The following AMPH variants were observed in gnomAD, a reference collection of about 807,000 sequenced individuals.
AMPH encodes the protein amphiphysin (Stiff-Mann syndrome with breast cancer 128kD autoantigen).
A neutral mutation model predicts 99.1 loss-of-function variants in AMPH; 49 were observed. The observed-to-expected ratio is 0.49, with a 90% CI of 0.39 to 0.63. AMPH has a LOEUF of 0.63. Ranked by LOEUF, AMPH falls within the 20% of genes least tolerant of loss-of-function variation. The probability of loss-of-function intolerance (pLI) is 0.00; values close to 1 mark genes in which losing one functional copy is unlikely to be tolerated. For missense variants in AMPH, 759 were observed against 863.4 expected (o/e 0.88, Z 1.52); for synonymous variants, 314 against 317.3 (o/e 0.99, Z 0.11).
At chr7:38,514,584 A>G (rs1432922214) in intron 2 of AMPH, among the ~76,000 whole-genome samples, 1 of 152,186 alleles carries the variant, frequency 6.6e-6, no homozygotes, top group African/African-American at 2.4e-5. Flanking sequence ...CACCTTCATG[A>G]ATGGATTAAT....
intron 1 of AMPH, among the ~76,000 whole-genome samples, chr7:38,559,378 C>G (rs965556064): frequency 6.6e-6 from 1 of 152,216 alleles, no homozygotes; most frequent in Non-Finnish European, 1.5e-5. Context: ...GAACAACAGA[C>G]AGTGGTTTCT....
intron 1 of AMPH, among the ~76,000 whole-genome samples, chr7:38,567,658 T>C (rs898943457): frequency 2.0e-5 from 3 of 152,372 alleles, no homozygotes; most frequent in Admixed American, 2.0e-4. Flanking sequence ...AGAAATATGT[T>C]GTCATCAAAT....
intron 8 of AMPH, 150 bp from the exon 9 acceptor site, chr7:38,465,699 G>T: frequency 3.1e-6 from 2 of 650,232 alleles, no homozygotes; most frequent in South Asian, 2.1e-5. Flanking sequence ...TCTGTATACG[G>T]TTCAAATTTA....
intron 1 of AMPH, among the ~76,000 whole-genome samples, chr7:38,563,497 C>G (rs573582312): frequency 6.6e-6 from 1 of 152,070 alleles, no homozygotes; most frequent in Admixed American, 6.5e-5. Context: ...GTCATACAAC[C>G]AAAAAGTACT....
chr7:38,441,806 A>ATATATATCATATATC (rs1786541735), intron 11 of AMPH, among the ~76,000 whole-genome samples: 3 of 87,360 alleles, frequency 3.4e-5, no homozygotes, highest in Admixed American at 1.7e-4. Context: ...TATCATATAT[A>ATATATATCATATATC]TATCATATAT....
intron 1 of AMPH, among the ~76,000 whole-genome samples, chr7:38,549,931 A>G (rs993463635): frequency 6.6e-6 from 1 of 152,142 alleles, no homozygotes; most frequent in Non-Finnish European, 1.5e-5. Context: ...GCTTTCTAAA[A>G]CTTTAGGTTT....
At chr7:38,432,955 G>C (rs1391139582) in intron 12 of AMPH, among the ~76,000 whole-genome samples, 1 of 152,158 alleles carries the variant, frequency 6.6e-6, no homozygotes, top group Non-Finnish European at 1.5e-5. Context: ...CTTCCACTAT[G>C]GGTGAGGGGA....
At position 38,558,773 on chromosome 7, in the gene AMPH, C is replaced by A. The variant is rs566558193; in HGVS notation, c.70-23762G>T. On this transcript the variant is annotated intron_variant, in intron 1 of 20. Coordinates refer to ENST00000356264, the MANE Select transcript of AMPH (RefSeq NM_001635.4). ...TGTCCTGAGACACATCCTGCTGACA[C>A]ACTGTACTCCGGTGACCCAGGCCAG... Among the ~76,000 whole-genome samples the A allele has an allele frequency of 4.2e-4, 64 of 152,342 alleles. No homozygotes were observed. In the South Asian group the frequency reaches 0.013, roughly 31 times the overall value.
chr7:38,619,569 A>G (rs1475131892), intron 1 of AMPH, among the ~76,000 whole-genome samples: 1 of 152,216 alleles, frequency 6.6e-6, no homozygotes, highest in Admixed American at 6.5e-5. Flanking sequence ...AACAACAGCA[A>G]AAAACAGTTA....
intron 1 of AMPH, among the ~76,000 whole-genome samples, chr7:38,584,553 C>A (rs1467934983): frequency 6.6e-6 from 1 of 152,160 alleles, no homozygotes; most frequent in Non-Finnish European, 1.5e-5. Flanking sequence ...AGTTATTCTG[C>A]CAAAAATCAA....
At position 38,429,350 on chromosome 7, in the gene AMPH, C is replaced by T. The variant is rs1427342825; in HGVS notation, c.1182+492G>A. On this transcript the variant is annotated intron_variant, in intron 14 of 20. Transcript: ENST00000356264. Reference sequence around the variant, plus strand: ...CAGTGGGCCAGTCAGCAGACGAAAGCAGGCTGGTGGATAATCTTATGTCTT... The same window carrying T: ...CAGTGGGCCAGTCAGCAGACGAAAGTAGGCTGGTGGATAATCTTATGTCTT... The T allele has an allele frequency of 3.1e-6, 4 of 1,289,366 alleles. No homozygotes were observed. The African/African-American group carries it at 4.6e-5, about 15-fold the overall frequency. 79.9% of individuals were successfully genotyped at this position (1,289,366 alleles called of 1,614,324 possible).
chr7:38,417,105 T>G (rs1785405686), intron 17 of AMPH, among the ~76,000 whole-genome samples: 1 of 152,200 alleles, frequency 6.6e-6, no homozygotes, highest in South Asian at 2.1e-4. Context: ...ATAAATGACT[T>G]TTCACTCGCC....
chr7:38,425,007 A>T (rs1184136952), intron 15 of AMPH, among the ~76,000 whole-genome samples: 1 of 152,224 alleles, frequency 6.6e-6, no homozygotes, highest in African/African-American at 2.4e-5. Flanking sequence ...ACAGCTTCGA[A>T]TATAATACCC....
At chr7:38,595,016 C>T (rs2129059310) in intron 1 of AMPH, among the ~76,000 whole-genome samples, 1 of 152,280 alleles carries the variant, frequency 6.6e-6, no homozygotes, top group Middle Eastern at 3.4e-3. Flanking sequence ...CCAGAAAGAA[C>T]ACAAACAGCC....
chr7:38,443,778 A>C lies in AMPH; in HGVS notation c.1018-7390T>G, dbSNP rs190409683. Among the ~76,000 whole-genome samples the C allele has an allele frequency of 6.6e-5, 10 of 152,276 alleles. No individual in the cohort carries two copies. In the East Asian group the frequency reaches 1.7e-3, roughly 26 times the overall value. ...TGAAATACTACATGCTCTTCCTCTA[A>C]GATCAAGACAAGGGTGACTGCTTTA... On this transcript the variant is annotated intron_variant, in intron 11 of 20. Coordinates refer to ENST00000356264, the MANE Select transcript of AMPH (RefSeq NM_001635.4).
chr7:38,525,867 G>A (rs1240019242), intron 2 of AMPH, among the ~76,000 whole-genome samples: 1 of 152,148 alleles, frequency 6.6e-6, no homozygotes, highest in African/African-American at 2.4e-5. Flanking sequence ...CATCTGGGGT[G>A]TTGCCAATTT....
intron 1 of AMPH, among the ~76,000 whole-genome samples, chr7:38,537,403 A>T (rs913879582): frequency 2.6e-5 from 4 of 152,178 alleles, no homozygotes; most frequent in African/African-American, 9.6e-5. Context: ...TTATTATTAT[A>T]GTTATTTTTA....
chr7:38,540,513 G>T (rs1584223505), intron 1 of AMPH, among the ~76,000 whole-genome samples: 2 of 151,634 alleles, frequency 1.3e-5, no homozygotes, highest in East Asian at 3.9e-4. Context: ...CATCTTAATT[G>T]CCTTCTCTTA....
chr7:38,614,105 C>A (rs1793782280), intron 1 of AMPH, among the ~76,000 whole-genome samples: 1 of 152,196 alleles, frequency 6.6e-6, no homozygotes, highest in Non-Finnish European at 1.5e-5. Context: ...TTTCTATGCA[C>A]CTTCTGCACA....
Sources: allele counts gnomAD v4.1 joint callset (sites outside exome capture counted in the v4.1 genomes callset), GRCh38; gene constraint gnomAD v4.1.1; transcripts MANE v1.5; gene names NCBI Gene and HGNC (gene_info 2026-07-23, HGNC 2026-07-21).